The following ANKS1B variants were observed in gnomAD, a reference collection of about 807,000 sequenced individuals.
ANKS1B encodes ankyrin repeat and sterile alpha motif domain containing 1B.
A neutral mutation model predicts 148.3 loss-of-function variants in ANKS1B; 36 were observed. The observed-to-expected ratio is 0.24, with a 90% CI of 0.19 to 0.32. The LOEUF is 0.32. ANKS1B is among the 10% of genes least tolerant of loss of function. The probability of loss-of-function intolerance (pLI) is 1.00; values close to 1 mark genes in which losing one functional copy is unlikely to be tolerated. For missense variants in ANKS1B, 1,157 were observed against 1,542.6 expected (o/e 0.75, Z 4.19); for synonymous variants, 542 against 560.8 (o/e 0.97, Z 0.47).
chr12:99,418,722 C>G (rs2094987161), intron 11 of ANKS1B, among the ~76,000 whole-genome samples: 1 of 152,060 alleles, frequency 6.6e-6, no homozygotes, highest in Admixed American at 6.6e-5. Flanking sequence ...TTGCTTTGTT[C>G]CTAATCTTAG....
chr12:98,830,058 C>G (rs1248634031), intron 18 of ANKS1B, among the ~76,000 whole-genome samples: 2 of 152,116 alleles, frequency 1.3e-5, no homozygotes, highest in African/African-American at 4.8e-5. Flanking sequence ...GCATGGAAAT[C>G]TCTGTCTTTG....
intron 22 of ANKS1B, among the ~76,000 whole-genome samples, chr12:98,787,821 G>GAGGC (rs1423834998): frequency 1.3e-5 from 2 of 152,040 alleles, no homozygotes; most frequent in Non-Finnish European, 2.9e-5. Context: ...TCAGGAGGCT[G>GAGGC]AGGCAGGAGA....
chr12:99,877,928 C>T (rs2092229594), intron 1 of ANKS1B, among the ~76,000 whole-genome samples: 1 of 152,082 alleles, frequency 6.6e-6, no homozygotes, highest in African/African-American at 2.4e-5. Flanking sequence ...ACATTGGTGG[C>T]TTGCTCCTGT....
chr12:99,059,718 T>G (rs546472023), intron 16 of ANKS1B, among the ~76,000 whole-genome samples: 2 of 147,580 alleles, frequency 1.4e-5, no homozygotes, highest in Admixed American at 1.4e-4. Context: ...ACTCGTAAAT[T>G]AATTTTAAAT....
At chr12:99,424,667 G>C (rs1177770662) in intron 11 of ANKS1B, among the ~76,000 whole-genome samples, 2 of 150,452 alleles carry the variant, frequency 1.3e-5, no homozygotes, top group African/African-American at 4.9e-5. Context: ...ACACCCATAA[G>C]GAAAATTTTA....
intron 9 of ANKS1B, among the ~76,000 whole-genome samples, chr12:99,521,478 G>C (rs1316083060): frequency 6.6e-6 from 1 of 152,116 alleles, no homozygotes; most frequent in Non-Finnish European, 1.5e-5. Context: ...ACACTGAAGA[G>C]TTAGGCCTTT....
At chr12:99,093,919 G>A (rs1044043231) in intron 15 of ANKS1B, among the ~76,000 whole-genome samples, 1 of 152,142 alleles carries the variant, frequency 6.6e-6, no homozygotes, top group East Asian at 1.9e-4. Flanking sequence ...GGTGAAGGGA[G>A]TAGAATTTCC....
intron 17 of ANKS1B, among the ~76,000 whole-genome samples, chr12:98,902,011 T>G (rs147061543): frequency 6.6e-6 from 1 of 152,324 alleles, no homozygotes; most frequent in East Asian, 1.9e-4. Flanking sequence ...AACAATAGAC[T>G]GCCTGTTAAC....
chr12:99,004,785 T>G (rs1272044425), intron 17 of ANKS1B, among the ~76,000 whole-genome samples: 1 of 150,176 alleles, frequency 6.7e-6, no homozygotes, highest in Admixed American at 6.6e-5. Context: ...AATAAACATT[T>G]TTTTTTTTTG....
intron 15 of ANKS1B, among the ~76,000 whole-genome samples, chr12:99,093,825 C>T (rs2054944094): frequency 6.6e-6 from 1 of 151,674 alleles, no homozygotes; most frequent in Admixed American, 6.6e-5. Flanking sequence ...TCAGAAATAG[C>T]CAAACAAGAG....
At chr12:99,473,631 G>A (rs1427831823) in intron 10 of ANKS1B, among the ~76,000 whole-genome samples, 1 of 151,986 alleles carries the variant, frequency 6.6e-6, no homozygotes, top group East Asian at 1.9e-4. Context: ...CTTTCTAGTA[G>A]ATGGAAATAC....
intron 9 of ANKS1B, among the ~76,000 whole-genome samples, chr12:99,509,073 T>C (rs1044944393): frequency 2.6e-5 from 4 of 151,872 alleles, no homozygotes; most frequent in Non-Finnish European, 2.9e-5. Context: ...TGTTTTGGAA[T>C]GCCACAAGCC....
At chr12:98,928,465 C>T (rs2099810783) in intron 17 of ANKS1B, among the ~76,000 whole-genome samples, 1 of 151,798 alleles carries the variant, frequency 6.6e-6, no homozygotes, top group Non-Finnish European at 1.5e-5. Flanking sequence ...CATAATGAGA[C>T]AATGACATCA....
At chr12:99,094,573 C>A (rs1437290441) in intron 15 of ANKS1B, among the ~76,000 whole-genome samples, 1 of 152,054 alleles carries the variant, frequency 6.6e-6, no homozygotes, top group Admixed American at 6.6e-5. Flanking sequence ...GTAATTAAGA[C>A]CTGAGGGGAT....
chr12:98,999,207 G>T (rs1033359588), intron 17 of ANKS1B, among the ~76,000 whole-genome samples: 5 of 150,044 alleles, frequency 3.3e-5, no homozygotes, highest in African/African-American at 1.2e-4. Flanking sequence ...GTAAACTGCA[G>T]CAATTCATCT....
intron 8 of ANKS1B, among the ~76,000 whole-genome samples, chr12:99,752,276 T>C (rs748090157): frequency 2.0e-5 from 3 of 152,068 alleles, no homozygotes; most frequent in Non-Finnish European, 4.4e-5. Context: ...AGATATACTG[T>C]TCTTCCTAAC....
intron 9 of ANKS1B, among the ~76,000 whole-genome samples, chr12:99,531,062 C>A (rs1464863313): frequency 6.6e-6 from 1 of 152,140 alleles, no homozygotes; most frequent in Non-Finnish European, 1.5e-5. Flanking sequence ...TATAGAAATT[C>A]TCCCTTTCCT....
intron 22 of ANKS1B, among the ~76,000 whole-genome samples, chr12:98,795,883 G>C (rs1157992968): frequency 6.6e-6 from 1 of 152,174 alleles, no homozygotes; most frequent in African/African-American, 2.4e-5. Context: ...TGTAAAGTGG[G>C]AGCAATGGCA....
rs555254610 is a variant in ANKS1B at position 99,096,609 on chromosome 12, T to C, written c.2527-11586A>G. Among the ~76,000 whole-genome samples the C allele has an allele frequency of 5.3e-5, 8 of 152,300 alleles. No homozygotes were observed. The South Asian group carries it at 1.7e-3, about 32-fold the overall frequency. On this transcript the variant is annotated intron_variant, in intron 15 of 26. Transcript: ENST00000683438. ...ACTGGCTAGGGCCACTAATTGTCCTTGGGTTGTATATGAAGGGAAAATTTG... is the reference window on the plus strand; with the variant it reads ...ACTGGCTAGGGCCACTAATTGTCCTCGGGTTGTATATGAAGGGAAAATTTG...
Sources: gnomAD v4.1 joint callset for allele counts (sites outside exome capture counted in the v4.1 genomes callset) on GRCh38, gnomAD v4.1.1 for gene constraint, MANE v1.5 for transcripts, NCBI Gene and HGNC (gene_info 2026-07-23, HGNC 2026-07-21) for gene names.